The following CTNNB1 variants were observed in gnomAD, a reference collection of about 807,000 sequenced individuals.
CTNNB1 encodes the protein catenin beta 1.
CTNNB1 carries 6 observed loss-of-function variants against 82.5 expected under a neutral mutation model. The ratio of observed to expected loss-of-function variants is 0.07; its 90% CI spans 0.04 to 0.14. The LOEUF is 0.14. CTNNB1 is among the 10% of genes least tolerant of loss of function. The probability of loss-of-function intolerance (pLI) is 1.00; values close to 1 mark genes in which losing one functional copy is unlikely to be tolerated. For missense variants in CTNNB1, 529 were observed against 980.4 expected (o/e 0.54, Z 6.15); for synonymous variants, 312 against 329.7 (o/e 0.95, Z 0.58).
At chr3:41,201,509 A>G (rs756078211) in intron 1 of CTNNB1, among the ~76,000 whole-genome samples, 1 of 152,112 alleles carries the variant, frequency 6.6e-6, no homozygotes, top group Non-Finnish European at 1.5e-5. Flanking sequence ...AACTTGAAAA[A>G]CTTTCAGAAG....
chr3:41,217,050 G>T (rs752450041), intron 1 of CTNNB1, among the ~76,000 whole-genome samples: 3 of 152,082 alleles, frequency 2.0e-5, no homozygotes, highest in Non-Finnish European at 4.4e-5. Context: ...GTACACTTTG[G>T]ATTTTATTTT....
At chr3:41,229,342 A>T (rs2078249774) in intron 7 of CTNNB1, among the ~76,000 whole-genome samples, 1 of 152,016 alleles carries the variant, frequency 6.6e-6, no homozygotes. Flanking sequence ...CATGAAATAG[A>T]ATGTTTTTTC....
rs781731106 is a variant in CTNNB1 at position 41,233,662 on chromosome 3, A to G, written c.1319A>G (p.Gln440Arg). ...NNYKNKMMVC[Q>R]VGGIEALVRT... ...TATAAGAACAAGATGATGGTCTGCC[A>G]AGTGGGTGGTATAGAGGCTCTTGTG... Residue 440 changes from glutamine to arginine, a missense_variant, in exon 9 of 15, where the codon CAA (glutamine) becomes CGA (arginine). By Grantham distance (43) the Gln-to-Arg change is conservative. Coordinates refer to ENST00000349496, the MANE Select transcript of CTNNB1 (RefSeq NM_001904.4). The G allele has an allele frequency of 6.2e-7, 1 of 1,614,204 alleles. No individual in the cohort carries two copies. The highest frequency in any genetic ancestry group is 1.1e-5 in the South Asian group (1 of 91,074).
intron 13 of CTNNB1, 92 bp from the exon 14 acceptor site, chr3:41,237,924 A>AATC (rs1320976869): frequency 9.6e-7 from 1 of 1,041,086 alleles, no homozygotes; most frequent in African/African-American, 1.6e-5. Flanking sequence ...TTCCTTTTGT[A>AATC]ATCTGAAAGT....
At chr3:41,232,734 G>A (rs1200278072) in intron 7 of CTNNB1, among the ~76,000 whole-genome samples, 3 of 151,984 alleles carry the variant, frequency 2.0e-5, no homozygotes, top group Admixed American at 6.6e-5. Context: ...TTTTCATGCC[G>A]TCTTTCTGGA....
intron 14 of CTNNB1, 126 bp downstream of exon 14, chr3:41,238,202 C>G: frequency 1.2e-6 from 1 of 833,806 alleles, no homozygotes; most frequent in Non-Finnish European, 2.1e-6. Flanking sequence ...CAATTAAAAG[C>G]AGTTCTTAAA....
At chr3:41,235,214 ATCTTCCT>A (rs1298639548) in intron 10 of CTNNB1, 2 of 166,710 alleles carry the variant, frequency 1.2e-5, no homozygotes, top group Non-Finnish European at 2.6e-5. Context: ...TGCAAAAGCT[ATCTTCCT>A]TCTATACATG....
At chr3:41,224,462 CTT>C in intron 2 of CTNNB1, 62 bp from the exon 3 acceptor site, 1 of 1,423,180 alleles carries the variant, frequency 7.0e-7, no homozygotes, top group South Asian at 1.2e-5. Context: ...ATCACAGATT[CTT>C]TTTTTTTAAA....
At chr3:41,222,510 T>C (rs943922690) in intron 1 of CTNNB1, among the ~76,000 whole-genome samples, 3 of 152,212 alleles carry the variant, frequency 2.0e-5, no homozygotes, top group African/African-American at 7.2e-5. Context: ...CTAAAAAATA[T>C]ATATGTAATG....
chr3:41,220,706 G>A (rs2078026872), intron 1 of CTNNB1: 1 of 152,100 alleles, frequency 6.6e-6, no homozygotes, highest in South Asian at 2.1e-4. Context: ...CTTTAAAACG[G>A]GGAATAATTC....
At chr3:41,201,596 G>C (rs555224791) in intron 1 of CTNNB1, among the ~76,000 whole-genome samples, 1 of 152,198 alleles carries the variant, frequency 6.6e-6, no homozygotes, top group Admixed American at 6.5e-5. Context: ...TAAAAAACCT[G>C]TGCTAGAAAG....
chr3:41,232,993 G>A (rs149159976), intron 7 of CTNNB1, among the ~76,000 whole-genome samples: 1 of 152,186 alleles, frequency 6.6e-6, no homozygotes, highest in African/African-American at 2.4e-5. Context: ...TCTATCTGCA[G>A]CTCAGAACAG....
chr3:41,205,849 A>G (rs1261833563), intron 1 of CTNNB1, among the ~76,000 whole-genome samples: 1 of 152,218 alleles, frequency 6.6e-6, no homozygotes, highest in Non-Finnish European at 1.5e-5. Context: ...TCAGTGAACC[A>G]TTCATGAAAC....
At chr3:41,215,382 C>CAAA (rs35166040) in intron 1 of CTNNB1, among the ~76,000 whole-genome samples, 607 of 46,740 alleles carry the variant, frequency 0.013, 10 homozygotes, top group African/African-American at 0.023. Flanking sequence ...AACACCATCT[C>CAAA]AAAAAAAAAA....
intron 1 of CTNNB1, among the ~76,000 whole-genome samples, chr3:41,223,338 T>A (rs1301538615): frequency 6.6e-6 from 1 of 152,132 alleles, no homozygotes; most frequent in African/African-American, 2.4e-5. Flanking sequence ...TATAAATTTT[T>A]AAAATATTGA....
chr3:41,212,454 T>TA (rs142354524), intron 1 of CTNNB1, among the ~76,000 whole-genome samples: 193 of 152,342 alleles, frequency 1.3e-3, no homozygotes, highest in Admixed American at 3.5e-3. Context: ...CTATTATTAA[T>TA]ACAATTCCAT....
intron 1 of CTNNB1, among the ~76,000 whole-genome samples, chr3:41,211,254 G>T (rs1249642195): frequency 6.6e-6 from 1 of 152,130 alleles, no homozygotes; most frequent in Non-Finnish European, 1.5e-5. Flanking sequence ...AATCTTATGA[G>T]ACCACTGTTG....
intron 1 of CTNNB1, among the ~76,000 whole-genome samples, chr3:41,215,011 C>A (rs908778144): frequency 6.6e-6 from 1 of 151,996 alleles, no homozygotes; most frequent in Non-Finnish European, 1.5e-5. Flanking sequence ...AAAAAGTTTC[C>A]TGAACCTTAT....
At position 41,224,340 on chromosome 3, in the gene CTNNB1, G is replaced by C. The variant is rs888472938; in HGVS notation, c.14-186G>C. On this transcript the variant is annotated intron_variant, in intron 2 of 14. Transcript: ENST00000349496. ...TGATTCAGTGAGTAACTGTTAGGTG[G>C]TTCCCTAAGGGATTAGGTATTTCAT... is the stretch of plus-strand genomic sequence containing the variant. The C allele has an allele frequency of 1.5e-5, 11 of 714,066 alleles. No individual in the cohort carries two copies. In the African/African-American group the frequency reaches 1.8e-4, roughly 12 times the overall value. 44.2% of individuals were successfully genotyped at this position (714,066 alleles called of 1,614,324 possible). A position where few individuals can be genotyped will look rare whatever the true frequency, so the allele number is the denominator to read the frequency against.
Sources: gnomAD v4.1 joint callset for allele counts (sites outside exome capture counted in the v4.1 genomes callset) on GRCh38, gnomAD v4.1.1 for gene constraint, MANE v1.5 for transcripts, NCBI Gene and HGNC (gene_info 2026-07-23, HGNC 2026-07-21) for gene names.